The following WDPCP variants were observed in gnomAD, a reference collection of about 807,000 sequenced individuals.
The protein encoded by WDPCP is WD repeat containing planar cell polarity effector.
Under a neutral mutation model 93.1 loss-of-function variants are expected in WDPCP, and 71 were observed. The ratio of observed to expected loss-of-function variants is 0.76; its 90% CI spans 0.63 to 0.93. The LOEUF (loss-of-function observed/expected upper bound fraction) is 0.93. Ranked by LOEUF, WDPCP falls within the 40% of genes least tolerant of loss-of-function variation. WDPCP has a pLI of 0.00. For missense variants in WDPCP, 844 were observed against 887.4 expected (o/e 0.95, Z 0.62); for synonymous variants, 315 against 315.0 (o/e 1.00, Z 0.00).
chr2:63,565,831 T>C (rs1260676872), intron 1 of WDPCP, among the ~76,000 whole-genome samples: 1 of 152,164 alleles, frequency 6.6e-6, no homozygotes, highest in African/African-American at 2.4e-5. Flanking sequence ...TAGTCAAAAC[T>C]CTTATCCTTG....
chr2:63,311,292 G>GT (rs1271221949), intron 13 of WDPCP, among the ~76,000 whole-genome samples: 1 of 152,096 alleles, frequency 6.6e-6, no homozygotes. Flanking sequence ...TTCAAAAGAG[G>GT]TAACATTTTT....
At chr2:63,578,470 G>A (rs1708268270) in intron 1 of WDPCP, among the ~76,000 whole-genome samples, 1 of 152,134 alleles carries the variant, frequency 6.6e-6, no homozygotes, top group Non-Finnish European at 1.5e-5. Context: ...CACAAGGGGA[G>A]CCACAAGATA....
rs746981898 is a variant in WDPCP, at chr2:63,229,831, C to T, written c.1915+29476G>A. ...GACCAGTACCATGCTGTTTTGGTTACTGTAGCCTTGTAGTGTAGTTTGAAG... is the reference window on the plus strand; with the variant it reads ...GACCAGTACCATGCTGTTTTGGTTATTGTAGCCTTGTAGTGTAGTTTGAAG... On this transcript the variant is annotated intron_variant, in intron 14 of 17. Transcript: ENST00000272321. 138 of 152,242 alleles carry T rather than the reference C, an allele frequency of 9.1e-4. No homozygotes were observed. The highest frequency in any genetic ancestry group is 2.7e-4 in the Admixed American group (4 of 14,600). The allele number at this position is 152,242 out of a possible 1,614,324, so 9.4% of individuals were successfully genotyped here.
At chr2:63,338,568 AAATATATATATATATAT>A (rs1277586514) in intron 12 of WDPCP, among the ~76,000 whole-genome samples, 2 of 7,660 alleles carry the variant, frequency 2.6e-4, no homozygotes, top group Non-Finnish European at 1.7e-4. Flanking sequence ...AAAAAAAAAA[AAATATATATATATATAT>A]ATATATATAT....
At chr2:63,361,383 C>T (rs1558518082) in intron 12 of WDPCP, among the ~76,000 whole-genome samples, 1 of 152,166 alleles carries the variant, frequency 6.6e-6, no homozygotes, top group Non-Finnish European at 1.5e-5. Flanking sequence ...TCCTAAATTA[C>T]ACCAAGCATG....
chr2:63,740,417 T>C (rs1669695949), intron 2 of WDPCP, among the ~76,000 whole-genome samples: 1 of 152,124 alleles, frequency 6.6e-6, no homozygotes, highest in Non-Finnish European at 1.5e-5. Context: ...TATCTAATTT[T>C]CATACATCTT....
chr2:63,155,351 T>C (rs769162384), intron 15 of WDPCP, among the ~76,000 whole-genome samples: 6 of 152,228 alleles, frequency 3.9e-5, no homozygotes, highest in South Asian at 2.1e-4. Flanking sequence ...TGTGTGTGCA[T>C]AGATGTGTAT....
chr2:63,630,042 A>G (rs191613924), intron 3 of WDPCP, among the ~76,000 whole-genome samples: 2 of 152,370 alleles, frequency 1.3e-5, no homozygotes, highest in African/African-American at 4.8e-5. Context: ...TCAATGAGAA[A>G]TTATGAACAT....
At chr2:63,511,859 C>T (rs188927284) in intron 1 of WDPCP, among the ~76,000 whole-genome samples, 6 of 152,300 alleles carry the variant, frequency 3.9e-5, no homozygotes, top group Admixed American at 2.0e-4. Flanking sequence ...ATGACTAAAA[C>T]ACTACAAGCA....
intron 2 of WDPCP, among the ~76,000 whole-genome samples, chr2:63,708,733 G>A (rs1011026285): frequency 7.2e-5 from 11 of 152,026 alleles, no homozygotes; most frequent in East Asian, 2.0e-4. Flanking sequence ...GCTCTAGATC[G>A]GAGCTGTTCC....
At chr2:63,481,673 T>C (rs948034020) in intron 6 of WDPCP, among the ~76,000 whole-genome samples, 1 of 151,918 alleles carries the variant, frequency 6.6e-6, no homozygotes, top group Non-Finnish European at 1.5e-5. Context: ...TTCTCACTTA[T>C]AAGTGGGAGT....
intron 14 of WDPCP, among the ~76,000 whole-genome samples, chr2:63,244,680 C>A (rs1559241504): frequency 6.6e-6 from 1 of 152,050 alleles, no homozygotes; most frequent in East Asian, 1.9e-4. Flanking sequence ...AAATTAAAAC[C>A]CTAAACAGAC....
intron 13 of WDPCP, among the ~76,000 whole-genome samples, chr2:63,260,087 A>G (rs116707946): frequency 1.4e-4 from 22 of 152,314 alleles, no homozygotes; most frequent in African/African-American, 5.3e-4. Context: ...AAGAGTCACT[A>G]TAAGAGGGGG....
intron 13 of WDPCP, among the ~76,000 whole-genome samples, chr2:63,265,823 T>G (rs1382696852): frequency 2.6e-5 from 4 of 152,180 alleles, no homozygotes; most frequent in African/African-American, 9.7e-5. Flanking sequence ...CATGATGAAG[T>G]GGTATTTATC....
At chr2:63,266,228 T>G (rs914581270) in intron 13 of WDPCP, among the ~76,000 whole-genome samples, 2 of 152,188 alleles carry the variant, frequency 1.3e-5, no homozygotes, top group African/African-American at 4.8e-5. Context: ...TGTTTGTTGA[T>G]GACACAATCT....
At chr2:63,288,570 CT>C (rs1156534322) in intron 13 of WDPCP, among the ~76,000 whole-genome samples, 4 of 152,248 alleles carry the variant, frequency 2.6e-5, no homozygotes, top group African/African-American at 7.2e-5. Context: ...ACAAAGATCA[CT>C]TTTTTTCTGA....
intron 2 of WDPCP, among the ~76,000 whole-genome samples, chr2:63,754,069 G>A (rs894442954): frequency 4.6e-5 from 7 of 152,218 alleles, no homozygotes; most frequent in Non-Finnish European, 8.8e-5. Flanking sequence ...AACCACAGAA[G>A]GGAGGGATCT....
At chr2:63,208,747 G>A (rs1290165366) in intron 14 of WDPCP, among the ~76,000 whole-genome samples, 3 of 152,124 alleles carry the variant, frequency 2.0e-5, no homozygotes, top group Admixed American at 6.5e-5. Flanking sequence ...CCTACCTTCC[G>A]TGTGTTTCTC....
At chr2:63,770,441 T>G (rs1286089040) in intron 2 of WDPCP, among the ~76,000 whole-genome samples, 2 of 151,982 alleles carry the variant, frequency 1.3e-5, no homozygotes, top group Non-Finnish European at 2.9e-5. Context: ...CATATTAAAT[T>G]ATCTGTATTC....
Sources: gnomAD v4.1 joint callset for allele counts (sites outside exome capture counted in the v4.1 genomes callset) on GRCh38, gnomAD v4.1.1 for gene constraint, MANE v1.5 for transcripts, NCBI Gene and HGNC (gene_info 2026-07-23, HGNC 2026-07-21) for gene names.